Variants in PLXNA4 observed in about 807,000 individuals in gnomAD.
The protein encoded by PLXNA4 is plexin A4, also known as plexin-A4.
Under a neutral mutation model 191.8 loss-of-function variants are expected in PLXNA4, and 44 were observed. The ratio of observed to expected loss-of-function variants is 0.23; its 90% CI spans 0.18 to 0.29. PLXNA4 has a LOEUF of 0.29. PLXNA4 is among the 10% of genes least tolerant of loss of function. The pLI is 1.00. For missense variants in PLXNA4, 1,800 were observed against 2,488.8 expected (o/e 0.72, Z 5.89); for synonymous variants, 1,082 against 1,009.5 (o/e 1.07, Z -1.36).
At chr7:132,231,979 C>T (rs542001524) in intron 5 of PLXNA4, among the ~76,000 whole-genome samples, 76 of 152,252 alleles carry the variant, frequency 5.0e-4, no homozygotes, top group African/African-American at 1.6e-3. Flanking sequence ...TTCTACTATC[C>T]TCCAGGATTC....
intron 2 of PLXNA4, among the ~76,000 whole-genome samples, chr7:132,587,549 A>G (rs1171210682): frequency 1.3e-5 from 2 of 152,158 alleles, no homozygotes; most frequent in African/African-American, 4.8e-5. Flanking sequence ...GTTGTTCTGT[A>G]TTTATCATTG....
chr7:132,439,379 A>G (rs1361796946), intron 3 of PLXNA4, among the ~76,000 whole-genome samples: 4 of 152,194 alleles, frequency 2.6e-5, no homozygotes, highest in Non-Finnish European at 5.9e-5. Flanking sequence ...ATGAACAAGC[A>G]ATTTACTTGG....
chr7:132,636,607 A>G (rs1803613461), intron 2 of PLXNA4, among the ~76,000 whole-genome samples: 1 of 152,234 alleles, frequency 6.6e-6, no homozygotes, highest in East Asian at 1.9e-4. Flanking sequence ...AGTAGCAGCC[A>G]GTCACCTGCC....
chr7:132,250,985 T>C (rs1295335030), intron 4 of PLXNA4, among the ~76,000 whole-genome samples: 1 of 149,130 alleles, frequency 6.7e-6, no homozygotes, highest in Non-Finnish European at 1.5e-5. Flanking sequence ...TCCCTCCCCA[T>C]CCCCAAGCCC....
chr7:132,234,028 T>A (rs1332254770), intron 5 of PLXNA4, among the ~76,000 whole-genome samples: 1 of 152,128 alleles, frequency 6.6e-6, no homozygotes, highest in Admixed American at 6.5e-5. Context: ...ATTAATTTTC[T>A]ACTAAGGTTG....
intron 3 of PLXNA4, among the ~76,000 whole-genome samples, chr7:132,456,278 AT>A (rs1465398960): frequency 6.6e-6 from 1 of 151,864 alleles, no homozygotes; most frequent in Non-Finnish European, 1.5e-5. Context: ...TGCCTGGCTA[AT>A]TTTTTATATT....
chr7:132,146,564 G>T lies in PLXNA4; in HGVS notation c.5001C>A (p.Asp1667Glu), dbSNP rs550791568. The T allele has an allele frequency of 4.3e-6, 7 of 1,614,110 alleles. No individual in the cohort carries two copies. Among genetic ancestry groups the T allele is most frequent in the Non-Finnish European group, 5.9e-6 (7 of 1,180,008 alleles). Reference sequence around the variant, plus strand: ...TTTCAGACACCATCTTGCTCCCCCGGTCCCCCTCCTTCTGGTCTCCGTGCT... The same window carrying T: ...TTTCAGACACCATCTTGCTCCCCCGTTCCCCCTCCTTCTGGTCTCCGTGCT... ...NHEHGDQKEG[D>E]RGSKMVSEIY... The change falls in exon 28 of 32, where the codon GAC (aspartate) becomes GAA (glutamate). Residue 1667 changes from aspartate to glutamate, a missense_variant. Transcript: ENST00000321063.
chr7:132,150,130 A>G (rs2116584322), intron 25 of PLXNA4, among the ~76,000 whole-genome samples: 1 of 152,310 alleles, frequency 6.6e-6, no homozygotes. Flanking sequence ...GGGACCATCC[A>G]TCCCTTAGTC....
intron 3 of PLXNA4, among the ~76,000 whole-genome samples, chr7:132,436,507 A>G (rs1056224826): frequency 6.6e-6 from 1 of 152,178 alleles, no homozygotes; most frequent in African/African-American, 2.4e-5. Context: ...CTGCACCTTC[A>G]CTGCAAATGG....
intron 3 of PLXNA4, among the ~76,000 whole-genome samples, chr7:132,421,578 G>GTTTT (rs370481755): frequency 0.077 from 11,273 of 146,566 alleles, 785 homozygotes; most frequent in African/African-American, 0.16. Flanking sequence ...TATTGCTAAA[G>GTTTT]TTTTTTTTTT....
intron 20 of PLXNA4, among the ~76,000 whole-genome samples, chr7:132,178,149 C>T (rs1419666306): frequency 6.6e-6 from 1 of 152,148 alleles, no homozygotes; most frequent in African/African-American, 2.4e-5. Context: ...CCTTCTAAAT[C>T]ACAGATCAGC....
At chr7:132,285,895 T>C (rs1370609376) in intron 4 of PLXNA4, among the ~76,000 whole-genome samples, 2 of 152,130 alleles carry the variant, frequency 1.3e-5, no homozygotes, top group Admixed American at 6.5e-5. Context: ...ACCTGGCCTG[T>C]TGAGAGGGGT....
At chr7:132,610,265 G>A (rs1357796719) in intron 2 of PLXNA4, among the ~76,000 whole-genome samples, 1 of 152,182 alleles carries the variant, frequency 6.6e-6, no homozygotes, top group African/African-American at 2.4e-5. Flanking sequence ...CTGGGAAGAT[G>A]GGAAACTAGT....
chr7:132,232,283 A>C (rs1345769016), intron 5 of PLXNA4, among the ~76,000 whole-genome samples: 1 of 152,120 alleles, frequency 6.6e-6, no homozygotes. Context: ...GCCCCTTGAC[A>C]TGAAGGAATC....
chr7:132,360,576 G>A (rs906207543), intron 3 of PLXNA4, among the ~76,000 whole-genome samples: 1 of 152,322 alleles, frequency 6.6e-6, no homozygotes, highest in East Asian at 1.9e-4. Context: ...ACTCATGACA[G>A]GTCTTGCAGT....
chr7:132,237,041 G>A (rs2117021096), intron 5 of PLXNA4, among the ~76,000 whole-genome samples: 1 of 152,314 alleles, frequency 6.6e-6, no homozygotes, highest in African/African-American at 2.4e-5. Flanking sequence ...AGAGCTCTCT[G>A]GATAAAGAAA....
intron 9 of PLXNA4, among the ~76,000 whole-genome samples, chr7:132,220,849 G>A (rs1239592845): frequency 4.3e-5 from 5 of 115,234 alleles, no homozygotes; most frequent in Middle Eastern, 6.8e-3. Flanking sequence ...ATCTTGCTCT[G>A]TTGCCCAGGC....
chr7:132,475,331 C>G (rs1431652876), intron 3 of PLXNA4, among the ~76,000 whole-genome samples: 1 of 152,182 alleles, frequency 6.6e-6, no homozygotes, highest in East Asian at 1.9e-4. Context: ...CTCCAAGCAT[C>G]TTAGAGCTCT....
Position 132,203,495 on chromosome 7 carries a change from C to T in PLXNA4, c.2299-76G>A, listed in dbSNP as rs117801727. 214 of 1,316,966 alleles carry T rather than the reference C, an allele frequency of 1.6e-4. No individual in the cohort carries two copies. In the East Asian group the frequency reaches 4.8e-3, roughly 30 times the overall value. 81.6% of individuals were successfully genotyped at this position (1,316,966 alleles called of 1,614,324 possible). On this transcript the variant is annotated intron_variant, in intron 10 of 31. Transcript: ENST00000321063. ...TCTAGAGAGGGCCCAAATGATCAGC[C>T]TACGGCCGTTAAGAGCTCACAGGCT...
Sources: gnomAD v4.1 joint callset for allele counts (sites outside exome capture counted in the v4.1 genomes callset) on GRCh38, gnomAD v4.1.1 for gene constraint, MANE v1.5 for transcripts, NCBI Gene and HGNC (gene_info 2026-07-23, HGNC 2026-07-21) for gene names.